Variants in RERE observed in about 807,000 individuals in gnomAD.
The protein encoded by RERE is arginine-glutamic acid dipeptide repeats protein.
Under a neutral mutation model 146.1 loss-of-function variants are expected in RERE, and 40 were observed. The ratio of observed to expected loss-of-function variants is 0.27; its 90% CI spans 0.21 to 0.36. RERE has a LOEUF of 0.36. RERE is among the 10% of genes least tolerant of loss of function. The pLI is 1.00. For synonymous variants in RERE, 1,003 were observed against 866.0 expected (o/e 1.16, Z -2.78); for missense variants, 1,933 against 2,138.7 (o/e 0.90, Z 1.90).
chr1:8,525,349 CCAAA>C (rs1313349535), intron 7 of RERE, among the ~76,000 whole-genome samples: 4 of 152,198 alleles, frequency 2.6e-5, no homozygotes, highest in African/African-American at 9.7e-5. Flanking sequence ...CCTAAAACAT[CCAAA>C]CAGAGCTGCT....
In RERE at chr1:8,525,857, T is replaced by C. The variant is rs984690778; in HGVS notation, c.830+15357A>G. 9 of 1,491,872 alleles carry C rather than the reference T, an allele frequency of 6.0e-6. No homozygotes were observed. In the African/African-American group the frequency reaches 1.1e-4, roughly 19 times the overall value. The allele number at this position is 1,491,872 out of a possible 1,614,324, so 92.4% of individuals were successfully genotyped here. A position where few individuals can be genotyped will look rare whatever the true frequency, so the allele number is the denominator to read the frequency against. ...TTTCTGCTAAAACTCTGCCCTTTTC[T>C]ACACTAACAACTCAAAATGGAGGCA... On this transcript the variant is annotated intron_variant, in intron 7 of 22. Coordinates refer to ENST00000400908, the MANE Select transcript of RERE (RefSeq NM_001042681.2).
chr1:8,573,232 G>A lies in RERE; in HGVS notation c.523-15709C>T, dbSNP rs554473158. On this transcript the variant is annotated intron_variant, in intron 4 of 22. Coordinates refer to ENST00000400908, the MANE Select transcript of RERE (RefSeq NM_001042681.2). ...TACCTAAAGCAACAAAAACATTATC[G>A]AACCTAAAGAAGCTGCCTGTGGAAC... is the stretch of plus-strand genomic sequence containing the variant. Among the ~76,000 whole-genome samples the A allele has an allele frequency of 4.6e-5, 7 of 152,050 alleles. No homozygotes were observed. The East Asian group carries it at 7.7e-4, about 17-fold the overall frequency.
In RERE at chr1:8,506,508, A is replaced by C. The variant is rs1419757317; in HGVS notation, c.879+2119T>G. 1.3e-5 allele frequency among the ~76,000 whole-genome samples: 2 copies of C among 152,244 alleles called. 1 individual carries two copies. Among genetic ancestry groups the C allele is most frequent in the Non-Finnish European group, 2.9e-5 (2 of 68,042 alleles). ...CACAATTTAGAAATGCTCAAAATCTAGACAGAAATAATAACTAGACAGACG... is the reference window on the plus strand; with the variant it reads ...CACAATTTAGAAATGCTCAAAATCTCGACAGAAATAATAACTAGACAGACG... On this transcript the variant is annotated intron_variant, in intron 8 of 22. Coordinates refer to ENST00000400908, the MANE Select transcript of RERE (RefSeq NM_001042681.2).
At chr1:8,728,465 A>G (rs576071454) in intron 1 of RERE, among the ~76,000 whole-genome samples, 1 of 149,140 alleles carries the variant, frequency 6.7e-6, no homozygotes, top group Admixed American at 6.7e-5. Context: ...GAGACCATCA[A>G]AAAAAAAAAA....
chr1:8,423,132 C>T lies in RERE; in HGVS notation c.1204-325G>A, dbSNP rs1447166983. On this transcript the variant is annotated intron_variant, in intron 11 of 22. Coordinates refer to ENST00000400908, the MANE Select transcript of RERE (RefSeq NM_001042681.2). The surrounding 1 kb of genome is among the most constrained non-coding windows in gnomAD (Gnocchi z 5.4). ...TCTGGTGCACGAAGGTATAAATATG[C>T]TCCATGTTTTAATAAAACACAACTG... The T allele has an allele frequency of 7.9e-6, 2 of 253,506 alleles. No homozygotes were observed. The highest frequency in any genetic ancestry group is 4.9e-5 in the Admixed American group (1 of 20,354). 15.7% of individuals were successfully genotyped at this position (253,506 alleles called of 1,614,324 possible).
chr1:8,460,978 A>G (rs1164091241), intron 11 of RERE, among the ~76,000 whole-genome samples: 1 of 152,214 alleles, frequency 6.6e-6, no homozygotes, highest in African/African-American at 2.4e-5. Context: ...GCTAATTAAG[A>G]GCACAGCATC....
intron 11 of RERE, among the ~76,000 whole-genome samples, chr1:8,431,842 G>A (rs1264737482): frequency 6.6e-6 from 1 of 152,100 alleles, no homozygotes; most frequent in African/African-American, 2.4e-5. Context: ...TTAGCTCCCT[G>A]TGGCCCTATT....
rs932567130 is a variant in RERE, at chr1:8,747,411, C to T, written c.-145+69749G>A. 1.4e-4 allele frequency among the ~76,000 whole-genome samples: 21 copies of T among 151,994 alleles called. 1 individual carries two copies. Among genetic ancestry groups the T allele is most frequent in the Non-Finnish European group, 2.9e-5 (2 of 67,972 alleles). On this transcript the variant is annotated intron_variant, in intron 1 of 22. Coordinates refer to ENST00000400908, the MANE Select transcript of RERE (RefSeq NM_001042681.2). ...CAGGGAGAACAAGACCTGTTAAGAA[C>T]CTGCTAGGGTAACCAGGCCAGAGGT... is the stretch of plus-strand genomic sequence containing the variant.
intron 16 of RERE, 55 bp from the exon 17 acceptor site, chr1:8,361,931 G>GGAAA: frequency 8.0e-7 from 1 of 1,250,374 alleles, no homozygotes; most frequent in Non-Finnish European, 1.2e-6. Context: ...CATCCCATCA[G>GGAAA]CCTCAGCAAG....
At chr1:8,586,770 C>T (rs1435972431) in intron 4 of RERE, among the ~76,000 whole-genome samples, 1 of 143,162 alleles carries the variant, frequency 7.0e-6, no homozygotes. Flanking sequence ...AAATAGCATC[C>T]AAACCAAAAG....
chr1:8,794,348 A>C (rs1039836755), intron 1 of RERE, among the ~76,000 whole-genome samples: 4 of 119,736 alleles, frequency 3.3e-5, no homozygotes, highest in Non-Finnish European at 6.5e-5. Context: ...ACAGAGCGAG[A>C]CTCCGTCTCA....
intron 10 of RERE, among the ~76,000 whole-genome samples, chr1:8,482,391 C>CA (rs917586050): frequency 6.6e-6 from 1 of 151,766 alleles, no homozygotes; most frequent in Non-Finnish European, 1.5e-5. Flanking sequence ...TCAAACAAGA[C>CA]AAAAAATAGG....
In RERE at chr1:8,543,257, G is replaced by C. The variant is rs532665178; in HGVS notation, c.726-1939C>G. 3.0e-4 allele frequency among the ~76,000 whole-genome samples: 46 copies of C among 152,258 alleles called. 2 individuals are homozygous for C. The South Asian group carries it at 9.3e-3, about 31-fold the overall frequency. ...ATAAGCTTCTGGGAAAGAAAATGCA[G>C]GTATGATCTTTTTTACAAATGAACA... On this transcript the variant is annotated intron_variant, in intron 6 of 22. Coordinates refer to ENST00000400908, the MANE Select transcript of RERE (RefSeq NM_001042681.2).
At chr1:8,750,569 A>G (rs1020549867) in intron 1 of RERE, 34 of 1,001,374 alleles carry the variant, frequency 3.4e-5, no homozygotes, top group Admixed American at 2.2e-4. Context: ...GGCAAGGAAG[A>G]AGCTTATTTA....
intron 6 of RERE, among the ~76,000 whole-genome samples, chr1:8,544,006 C>T (rs1187003812): frequency 6.6e-6 from 1 of 152,120 alleles, no homozygotes; most frequent in Non-Finnish European, 1.5e-5. Flanking sequence ...AAAGAGTGAA[C>T]ATCCTTGGCT....
chr1:8,372,744 C>T (rs1047924807), intron 12 of RERE, among the ~76,000 whole-genome samples: 2 of 152,204 alleles, frequency 1.3e-5, no homozygotes, highest in African/African-American at 4.8e-5. Flanking sequence ...GCCTCCTTGC[C>T]CATGCAGACA....
chr1:8,590,235 G>A (rs1646476396), intron 4 of RERE, among the ~76,000 whole-genome samples: 1 of 152,040 alleles, frequency 6.6e-6, no homozygotes, highest in African/African-American at 2.4e-5. Flanking sequence ...AAATGACTAA[G>A]AAGGAAAAGG....
chr1:8,794,657 G>A (rs1163144904), intron 1 of RERE, among the ~76,000 whole-genome samples: 1 of 152,032 alleles, frequency 6.6e-6, no homozygotes, highest in Non-Finnish European at 1.5e-5. Context: ...TGCACTTTGG[G>A]AGGCCAAGGT....
At chr1:8,636,014 G>C (rs1203682028) in intron 2 of RERE, among the ~76,000 whole-genome samples, 1 of 145,718 alleles carries the variant, frequency 6.9e-6, no homozygotes, top group Non-Finnish European at 1.5e-5. Flanking sequence ...TTAAGACTGA[G>C]TTTCACTCTT....
Sources: allele counts gnomAD v4.1 joint callset (sites outside exome capture counted in the v4.1 genomes callset), GRCh38; gene constraint gnomAD v4.1.1; non-coding constraint Gnocchi (gnomAD v3.1); transcripts MANE v1.5; gene names NCBI Gene and HGNC (gene_info 2026-07-23, HGNC 2026-07-21).